NALCN: variants seen among roughly 807,000 people sequenced by gnomAD.
NALCN encodes sodium leak channel, non-selective, also known as sodium leak channel NALCN.
Under a neutral mutation model 225.3 loss-of-function variants are expected in NALCN, and 111 were observed. The ratio of observed to expected loss-of-function variants is 0.49; its 90% CI spans 0.42 to 0.58. The LOEUF is 0.58. NALCN is among the 20% of genes least tolerant of loss of function. The pLI, the probability that NALCN is intolerant of heterozygous loss-of-function variation, is 0.00. For missense variants in NALCN, 1,378 were observed against 2,202.4 expected (o/e 0.63, Z 7.49); for synonymous variants, 764 against 769.0 (o/e 0.99, Z 0.11).
intron 28 of NALCN, among the ~76,000 whole-genome samples, chr13:101,094,464 T>A (rs963468365): frequency 6.6e-6 from 1 of 152,172 alleles, no homozygotes; most frequent in Non-Finnish European, 1.5e-5. Flanking sequence ...TTAATAAAAA[T>A]TAATAAATTA....
chr13:101,220,403 C>T (rs551427125), intron 13 of NALCN, among the ~76,000 whole-genome samples: 1 of 152,296 alleles, frequency 6.6e-6, no homozygotes, highest in African/African-American at 2.4e-5. Context: ...GAATGATTTT[C>T]TATCTGGCAA....
chr13:101,412,235 C>T (rs566593195), intron 1 of NALCN, among the ~76,000 whole-genome samples: 6 of 152,192 alleles, frequency 3.9e-5, no homozygotes, highest in Non-Finnish European at 7.3e-5. Context: ...GTGTTCCATG[C>T]ACTGTGATCC....
Position 101,114,007 on chromosome 13 carries a change from G to A in NALCN, c.2193-2781C>T, listed in dbSNP as rs74902832. On this transcript the variant is annotated intron_variant, in intron 18 of 43. Coordinates refer to ENST00000251127, the MANE Select transcript of NALCN (RefSeq NM_052867.4). ...GAGTAGGGAGGGTAGCGGCAGGTGC[G>A]TGGGGACTGTGTGACCCCATCCCTA... is the stretch of plus-strand genomic sequence containing the variant. Among the ~76,000 whole-genome samples, 18 of 152,260 alleles carry A rather than the reference G, an allele frequency of 1.2e-4. 1 individual carries two copies. In the East Asian group the frequency reaches 3.3e-3, roughly 28 times the overall value.
intron 10 of NALCN, among the ~76,000 whole-genome samples, chr13:101,282,507 G>A (rs957074710): frequency 6.6e-6 from 1 of 152,146 alleles, no homozygotes; most frequent in Non-Finnish European, 1.5e-5. Context: ...GCTGGGGACA[G>A]GGGGTAGAAA....
chr13:101,099,321 G>C (rs1303556831), intron 27 of NALCN, among the ~76,000 whole-genome samples: 2 of 151,966 alleles, frequency 1.3e-5, no homozygotes, highest in Non-Finnish European at 2.9e-5. Flanking sequence ...TCTGGCCTTT[G>C]TTTCAAATTC....
At chr13:101,281,780 A>G (rs2043176122) in intron 10 of NALCN, among the ~76,000 whole-genome samples, 1 of 152,202 alleles carries the variant, frequency 6.6e-6, no homozygotes, top group Non-Finnish European at 1.5e-5. Flanking sequence ...ACTCAATAAC[A>G]AAAAGCCCCC....
At chr13:101,109,428 T>C (rs1286079919) in intron 20 of NALCN, among the ~76,000 whole-genome samples, 7 of 152,166 alleles carry the variant, frequency 4.6e-5, no homozygotes, top group Non-Finnish European at 1.5e-5. Context: ...AACCATGTAC[T>C]TGGACTAAAA....
chr13:101,094,097 T>C (rs2034376134), intron 28 of NALCN, among the ~76,000 whole-genome samples: 1 of 152,166 alleles, frequency 6.6e-6, no homozygotes. Flanking sequence ...CTTTGGGTGA[T>C]TCTCAAGTCT....
At chr13:101,128,940 A>G (rs2036376600) in intron 17 of NALCN, among the ~76,000 whole-genome samples, 1 of 152,130 alleles carries the variant, frequency 6.6e-6, no homozygotes, top group Non-Finnish European at 1.5e-5. Flanking sequence ...TTTTCTGAAA[A>G]TCGGCAGCTG....
chr13:101,266,899 G>A (rs1315486613), intron 10 of NALCN, among the ~76,000 whole-genome samples: 2 of 152,164 alleles, frequency 1.3e-5, no homozygotes, highest in Admixed American at 1.3e-4. Flanking sequence ...CCAATACAAA[G>A]AATTTATATG....
At chr13:101,123,164 G>A (rs2036062840) in intron 18 of NALCN, among the ~76,000 whole-genome samples, 1 of 152,224 alleles carries the variant, frequency 6.6e-6, no homozygotes, top group South Asian at 2.1e-4. Flanking sequence ...TTCTGCATCT[G>A]CCTTGGAAAG....
chr13:101,376,969 G>A lies in NALCN; in HGVS notation c.463C>T (p.Arg155Trp). 5.6e-6 allele frequency: 9 copies of A among 1,614,070 alleles called. No individual in the cohort carries two copies. Among genetic ancestry groups the A allele is most frequent in the South Asian group, 3.3e-5 (3 of 91,082 alleles). Reference sequence around the variant, plus strand: ...GGCAGTTCAAATCGGAAATAAATCCGGAATGCTCGGATCATAATCAGTGGC... The same window carrying A: ...GGCAGTTCAAATCGGAAATAAATCCAGAATGCTCGGATCATAATCAGTGGC... ...PRPLIMIRAFRIYFRFELPRT... is the reference protein window; with the variant it reads ...PRPLIMIRAFWIYFRFELPRT... Residue 155 changes from arginine (R) to tryptophan (W), a missense_variant, in exon 5 of 44, where the codon CGG becomes TGG. Around this residue, in one of 19 missense-constraint regions of NALCN, gnomAD observed 146 missense variants for 205.9 expected, o/e 0.71. Transcript: ENST00000251127.
At chr13:101,199,617 G>A (rs1263684146) in intron 13 of NALCN, among the ~76,000 whole-genome samples, 2 of 133,182 alleles carry the variant, frequency 1.5e-5, no homozygotes, top group Non-Finnish European at 3.1e-5. Context: ...CTTGGACACA[G>A]GAAGGGGAAC....
At chr13:101,067,031 A>G (rs1157630657) in intron 39 of NALCN, among the ~76,000 whole-genome samples, 5 of 151,350 alleles carry the variant, frequency 3.3e-5, no homozygotes, top group Non-Finnish European at 7.4e-5. Context: ...ACTTTTTATT[A>G]TTTGTCTCCA....
intron 7 of NALCN, 143 bp downstream of exon 7, chr13:101,345,123 T>C (rs550042328): frequency 9.7e-6 from 8 of 825,736 alleles, no homozygotes; most frequent in Admixed American, 5.8e-5. Flanking sequence ...TATTATAAAA[T>C]AGGCATAGAA....
intron 30 of NALCN, among the ~76,000 whole-genome samples, chr13:101,086,689 A>AT (rs1464564317): frequency 2.0e-5 from 3 of 151,922 alleles, no homozygotes; most frequent in South Asian, 2.1e-4. Context: ...GAATTATGAG[A>AT]TTTTTTGAGA....
At chr13:101,168,136 A>G (rs1365752129) in intron 15 of NALCN, among the ~76,000 whole-genome samples, 1 of 151,838 alleles carries the variant, frequency 6.6e-6, no homozygotes, top group Non-Finnish European at 1.5e-5. Context: ...CTTTCCTCTT[A>G]CCTCTTGTGC....
intron 6 of NALCN, among the ~76,000 whole-genome samples, chr13:101,345,737 AATAT>A (rs10560892): frequency 0.28 from 24,599 of 86,478 alleles, 3,717 homozygotes; most frequent in African/African-American, 0.29. Flanking sequence ...CAGCAAAGAG[AATAT>A]ATATATATAT....
chr13:101,216,163 C>T (rs952980607), intron 13 of NALCN, among the ~76,000 whole-genome samples: 6 of 151,968 alleles, frequency 3.9e-5, no homozygotes, highest in Admixed American at 2.0e-4. Flanking sequence ...TATGTAGTTG[C>T]TTTTTATACA....
Sources: gnomAD v4.1 joint callset for allele counts (sites outside exome capture counted in the v4.1 genomes callset) on GRCh38, gnomAD v4.1.1 for gene constraint, gnomAD v4.1.1 regional missense constraint, MANE v1.5 for transcripts, NCBI Gene and HGNC (gene_info 2026-07-23, HGNC 2026-07-21) for gene names.